TLDC2: variants seen among roughly 807,000 people sequenced by gnomAD.
TLDC2 encodes the protein TLD domain-containing protein 2.
Under a neutral mutation model 27.9 loss-of-function variants are expected in TLDC2, and 23 were observed. The observed-to-expected ratio is 0.82, with a 90% CI of 0.59 to 1.17. The LOEUF (loss-of-function observed/expected upper bound fraction) is 1.17, where lower values mean the gene tolerates loss of function less well. TLDC2 is among the 50% of genes most tolerant of loss of function. TLDC2 has a pLI of 0.00. For missense variants in TLDC2, 286 were observed against 273.4 expected, an observed-to-expected ratio of 1.05 and a Z score of -0.32; for synonymous variants, 124 against 107.4, an observed-to-expected ratio of 1.16 and a Z score of -0.96.
At chr20:36,885,553 C>T (rs1038798467) in intron 4 of TLDC2, among the ~76,000 whole-genome samples, 4 of 152,152 alleles carry the variant, frequency 2.6e-5, no homozygotes, top group African/African-American at 9.7e-5. Context: ...TCATGTCCTT[C>T]GAGAAAGTAG....
chr20:36,891,615 GGGAAAAC>G (rs1990075654), intron 6 of TLDC2: 1 of 152,292 alleles, frequency 6.6e-6, no homozygotes, highest in South Asian at 2.1e-4. Flanking sequence ...CTCCACTGCT[GGGAAAAC>G]GAAGTTACCT....
intron 4 of TLDC2, among the ~76,000 whole-genome samples, chr20:36,886,430 T>C (rs1989922305): frequency 6.6e-6 from 1 of 152,050 alleles, no homozygotes. Context: ...CTGTTTCTAC[T>C]AAAATACAAA....
intron 4 of TLDC2, 22 bp downstream of exon 4, chr20:36,880,772 G>C: frequency 6.2e-7 from 1 of 1,606,924 alleles, no homozygotes; most frequent in Non-Finnish European, 8.5e-7. Flanking sequence ...AACCTTCCAT[G>C]GGGGGAGTGG....
chr20:36,889,484 G>A, intron 6 of TLDC2, 81 bp downstream of exon 6: 1 of 1,489,650 alleles, frequency 6.7e-7, no homozygotes, highest in Non-Finnish European at 8.9e-7. Context: ...GATGGTGAAG[G>A]GCCCTAGAGT....
At chr20:36,891,388 A>T (rs556301477) in intron 6 of TLDC2, 45 of 152,160 alleles carry the variant, frequency 3.0e-4, no homozygotes, top group African/African-American at 1.1e-3. Context: ...GCTGCCCCTC[A>T]CTCCCAGTGT....
intron 2 of TLDC2, 53 bp from the exon 3 acceptor site, chr20:36,878,988 T>C (rs1056063187): frequency 1.9e-6 from 3 of 1,613,512 alleles, no homozygotes; most frequent in Admixed American, 1.7e-5. Context: ...CCCCAGGATA[T>C]GGCAGGAGGG....
In TLDC2 at chr20:36,880,070, C is replaced by CATATATATATATATATATGTAT. The variant is rs1989768393; in HGVS notation, c.343-567_343-566insGTATATATATATATATATATAT. Among the ~76,000 whole-genome samples, 155 of 73,054 alleles carry CATATATATATATATATATGTAT rather than the reference C, an allele frequency of 2.1e-3. 2 individuals carry two copies. The highest frequency in any genetic ancestry group is 8.1e-3 in the Middle Eastern group (1 of 124). 47.9% of individuals were successfully genotyped at this position (73,054 alleles called of 152,430 possible). A position where few individuals can be genotyped will look rare whatever the true frequency, so the allele number is the denominator to read the frequency against. ...ATTACTTGTGTAGAATATATATATA[C>CATATATATATATATATATGTAT]ATATATATATATATATATATATATA... is the stretch of plus-strand genomic sequence containing the variant. On this transcript the variant is annotated intron_variant, in intron 3 of 6. Transcript: ENST00000217320.
At position 36,887,443 on chromosome 20, in the gene TLDC2, T is replaced by C; in HGVS notation, c.439-12T>C. 3 of 1,612,304 alleles carry C rather than the reference T, an allele frequency of 1.9e-6. No homozygotes were observed. The highest frequency in any genetic ancestry group is 2.5e-6 in the Non-Finnish European group (3 of 1,178,322). Reference sequence around the variant, plus strand: ...GCTTAGTAACCTGAGCCTTTCCCTATGTATCACCCAGGTCTTTAAGTGGAC... The same window carrying C: ...GCTTAGTAACCTGAGCCTTTCCCTACGTATCACCCAGGTCTTTAAGTGGAC... On this transcript the variant is annotated splice_polypyrimidine_tract_variant and intron_variant, in intron 4 of 6. Transcript: ENST00000217320.
chr20:36,878,452 G>C (rs1252049027), intron 2 of TLDC2, among the ~76,000 whole-genome samples: 1 of 152,072 alleles, frequency 6.6e-6, no homozygotes, highest in African/African-American at 2.4e-5. Flanking sequence ...GTGGTGGTGT[G>C]CACCTGTAGT....
intron 3 of TLDC2, 59 bp from the exon 4 acceptor site, chr20:36,880,595 AG>A (rs1179455825): frequency 7.0e-7 from 1 of 1,423,240 alleles, no homozygotes; most frequent in African/African-American, 1.4e-5. Flanking sequence ...CTGAAGAATG[AG>A]GGTTGCCAGA....
At chr20:36,881,407 G>A (rs1233187013) in intron 4 of TLDC2, among the ~76,000 whole-genome samples, 2 of 151,978 alleles carry the variant, frequency 1.3e-5, no homozygotes, top group Non-Finnish European at 2.9e-5. Context: ...AATATGGGGT[G>A]AGGTCATTGC....
At chr20:36,877,112 G>A (rs529451295) in intron 1 of TLDC2, among the ~76,000 whole-genome samples, 88 of 152,200 alleles carry the variant, frequency 5.8e-4, no homozygotes, top group African/African-American at 1.9e-3. Context: ...AAGGCCAGGC[G>A]CGGTGGCTCA....
chr20:36,887,387 C>T (rs925827908), intron 4 of TLDC2, 68 bp from the exon 5 acceptor site: 1 of 1,404,166 alleles, frequency 7.1e-7, no homozygotes, highest in Admixed American at 1.7e-5. Flanking sequence ...TCCAGTGGTT[C>T]GGGGTCAAAC....
At chr20:36,890,449 C>CTCCT (rs1192683978) in intron 6 of TLDC2, 1 of 41,734 alleles carries the variant, frequency 2.4e-5, no homozygotes, top group Admixed American at 2.3e-4. Flanking sequence ...CCTTCCTTCC[C>CTCCT]TCCTTCCTTC....
chr20:36,883,807 G>A (rs1185785685), intron 4 of TLDC2, among the ~76,000 whole-genome samples: 1 of 152,156 alleles, frequency 6.6e-6, no homozygotes, highest in Non-Finnish European at 1.5e-5. Flanking sequence ...TAAAAGGGAA[G>A]CCAGGGCAGG....
chr20:36,892,993 G>A lies in TLDC2; in HGVS notation c.*149G>A. The A allele has an allele frequency of 6.2e-7, 1 of 1,613,968 alleles. No individual in the cohort carries two copies. The highest frequency in any genetic ancestry group is 1.1e-5 in the South Asian group (1 of 91,052). ...TTTGGATGCTTCTCGGAGGCGAGTT[G>A]GATTTTGGACTGAAGTACTGTCGTT... is the stretch of plus-strand genomic sequence containing the variant. On this transcript the variant is annotated 3_prime_UTR_variant, in exon 7 of 7. Transcript: ENST00000217320.
chr20:36,887,629 G>C, intron 5 of TLDC2, 101 bp downstream of exon 5: 2 of 1,130,028 alleles, frequency 1.8e-6, no homozygotes, highest in Non-Finnish European at 2.7e-6. Flanking sequence ...CAATGGCGAG[G>C]CTAGTGGGGA....
In TLDC2 at chr20:36,877,929, G is replaced by A. The variant is rs377356677; in HGVS notation, c.64G>A (p.Glu22Lys). 2 of 1,613,982 alleles carry A rather than the reference G, an allele frequency of 1.2e-6. No homozygotes were observed. Among genetic ancestry groups the A allele is most frequent in the Non-Finnish European group, 1.7e-6 (2 of 1,179,964 alleles). ...CCAGGTGGAGGACACCCTGTCTGGG[G>A]AGGAGGGTAACGAAGAGGAAGAGGA... ...PSQVEDTLSG[E>K]EGNEEEEEEE... The change falls in exon 2 of 7, where the codon GAG becomes AAG. Residue 22 changes from glutamate to lysine, a missense_variant. Physicochemically the swap from Glu to Lys is moderately conservative, Grantham distance 56. Transcript: ENST00000217320.
chr20:36,883,955 A>G (rs927242920), intron 4 of TLDC2, among the ~76,000 whole-genome samples: 3 of 152,150 alleles, frequency 2.0e-5, no homozygotes, highest in Non-Finnish European at 4.4e-5. Flanking sequence ...TTAGCCAGAC[A>G]TGGTGGTATG....
Sources: allele counts gnomAD v4.1 joint callset (sites outside exome capture counted in the v4.1 genomes callset), GRCh38; gene constraint gnomAD v4.1.1; transcripts MANE v1.5; gene names NCBI Gene and HGNC (gene_info 2026-07-23, HGNC 2026-07-21).